DTWD2: variants seen among roughly 807,000 people sequenced by gnomAD.
The protein encoded by DTWD2 is DTW motif tRNA-uridine aminocarboxypropyltransferase 2.
In DTWD2, 39 loss-of-function variants were observed where a neutral mutation model predicts 31.8. The ratio of observed to expected loss-of-function variants is 1.22; its 90% CI spans 0.95 to 1.60. The LOEUF is 1.60. Among genes scored for constraint, DTWD2 ranks in the 40% most tolerant of loss-of-function variants. The pLI is 0.00. For missense variants in DTWD2, 515 were observed against 381.5 expected, an observed-to-expected ratio of 1.35 and a Z score of -2.92; for synonymous variants, 180 against 142.8, an observed-to-expected ratio of 1.26 and a Z score of -1.86.
chr5:118,938,015 A>G (rs1377685325), intron 3 of DTWD2, among the ~76,000 whole-genome samples: 1 of 152,208 alleles, frequency 6.6e-6, no homozygotes, highest in Non-Finnish European at 1.5e-5. Context: ...ATGTATACAT[A>G]CATCAAAACA....
intron 3 of DTWD2, among the ~76,000 whole-genome samples, chr5:118,929,695 CT>C (rs1330925268): frequency 6.6e-6 from 1 of 152,100 alleles, no homozygotes; most frequent in African/African-American, 2.4e-5. Flanking sequence ...TCAAAATATA[CT>C]TATTTGACAT....
chr5:118,854,392 G>C (rs1752083323), intron 4 of DTWD2, among the ~76,000 whole-genome samples: 2 of 151,436 alleles, frequency 1.3e-5, no homozygotes. Context: ...TTAGGATACA[G>C]GAAAAATTCA....
intron 4 of DTWD2, among the ~76,000 whole-genome samples, chr5:118,910,091 C>A (rs1036866572): frequency 3.1e-4 from 47 of 152,166 alleles, no homozygotes; most frequent in African/African-American, 1.1e-3. Context: ...TTAGCCATAC[C>A]CTTGGTGCTC....
At chr5:118,953,623 C>T (rs190041800) in intron 1 of DTWD2, among the ~76,000 whole-genome samples, 37 of 152,278 alleles carry the variant, frequency 2.4e-4, no homozygotes, top group Admixed American at 2.1e-3. Context: ...TAAATTGGAA[C>T]CCTAGAAACT....
chr5:118,917,054 A>AAATAT (rs1425580605), intron 4 of DTWD2, among the ~76,000 whole-genome samples: 1 of 152,196 alleles, frequency 6.6e-6, no homozygotes, highest in Non-Finnish European at 1.5e-5. Flanking sequence ...AAACTGACAA[A>AAATAT]AATATAATAA....
At chr5:118,958,414 C>T (rs1310221078) in intron 1 of DTWD2, among the ~76,000 whole-genome samples, 1 of 151,714 alleles carries the variant, frequency 6.6e-6, no homozygotes, top group Non-Finnish European at 1.5e-5. Context: ...GCCGGGATCA[C>T]GCCACTACAC....
chr5:118,954,597 T>C (rs910002648), intron 1 of DTWD2, among the ~76,000 whole-genome samples: 7 of 152,188 alleles, frequency 4.6e-5, no homozygotes, highest in Non-Finnish European at 8.8e-5. Context: ...CACTGCAACC[T>C]CCGCCTCCCA....
At chr5:118,959,943 T>C (rs1001295332) in intron 1 of DTWD2, among the ~76,000 whole-genome samples, 7 of 151,940 alleles carry the variant, frequency 4.6e-5, no homozygotes, top group Non-Finnish European at 5.9e-5. Flanking sequence ...TAAAAGTCAA[T>C]CAAGATGGAT....
At chr5:118,885,110 AC>A (rs1752831398) in intron 4 of DTWD2, among the ~76,000 whole-genome samples, 2 of 150,974 alleles carry the variant, frequency 1.3e-5, no homozygotes, top group Non-Finnish European at 2.9e-5. Context: ...AGAGTTCAAG[AC>A]CAGCCTCGGC....
chr5:118,974,058 G>A (rs946503041), intron 1 of DTWD2: 93 of 1,605,590 alleles, frequency 5.8e-5, no homozygotes, highest in East Asian at 5.1e-4. Flanking sequence ...ACGGGCAAGC[G>A]GGCAGCTGAA....
At chr5:118,982,694 T>G (rs537569884) in intron 1 of DTWD2, among the ~76,000 whole-genome samples, 2 of 148,024 alleles carry the variant, frequency 1.4e-5, no homozygotes, top group East Asian at 3.9e-4. Flanking sequence ...TTCTTTTTTT[T>G]TTTTTTTTTT....
intron 1 of DTWD2, among the ~76,000 whole-genome samples, chr5:118,950,729 T>G (rs138119932): frequency 6.6e-5 from 10 of 152,204 alleles, no homozygotes; most frequent in African/African-American, 2.4e-4. Context: ...CTTAGGCGTT[T>G]TGAAGTTCTT....
chr5:118,928,884 CAAAATTTTGT>C (rs1413871290), intron 3 of DTWD2, among the ~76,000 whole-genome samples, 155 bp from the exon 4 acceptor site: 1 of 152,132 alleles, frequency 6.6e-6, no homozygotes, highest in African/African-American at 2.4e-5. Flanking sequence ...TAAAAAGACT[CAAAATTTTGT>C]GTACTCTCTA....
chr5:118,929,660 T>C (rs1407483540), intron 3 of DTWD2, among the ~76,000 whole-genome samples: 2 of 152,212 alleles, frequency 1.3e-5, no homozygotes, highest in East Asian at 1.9e-4. Flanking sequence ...ATATTATCTA[T>C]TGAAGGAAAC....
intron 4 of DTWD2, among the ~76,000 whole-genome samples, chr5:118,922,876 G>T (rs1034924571): frequency 6.6e-6 from 1 of 152,072 alleles, no homozygotes; most frequent in Non-Finnish European, 1.5e-5. Context: ...GGCCATCCAG[G>T]ATTCTACTCT....
At chr5:118,953,448 GA>G (rs1385791385) in intron 1 of DTWD2, among the ~76,000 whole-genome samples, 2 of 152,156 alleles carry the variant, frequency 1.3e-5, no homozygotes, top group African/African-American at 4.8e-5. Context: ...CCCCCTGCAT[GA>G]AAATTTGACC....
chr5:118,865,286 G>C (rs1752358001), intron 4 of DTWD2, among the ~76,000 whole-genome samples: 1 of 152,060 alleles, frequency 6.6e-6, no homozygotes, highest in South Asian at 2.1e-4. Context: ...CATTACAACT[G>C]TCTTATACTT....
chr5:118,903,627 G>A (rs1753264471), intron 4 of DTWD2, among the ~76,000 whole-genome samples: 1 of 151,916 alleles, frequency 6.6e-6, no homozygotes, highest in African/African-American at 2.4e-5. Context: ...TAGCTAACAT[G>A]TTAAGCAGAT....
chr5:118,903,589 AAGG>A (rs1421288368), intron 4 of DTWD2, among the ~76,000 whole-genome samples: 2 of 152,080 alleles, frequency 1.3e-5, no homozygotes, highest in Non-Finnish European at 2.9e-5. Flanking sequence ...CAGAATTTTC[AAGG>A]AGAATACTAG....
Sources: gnomAD v4.1 joint callset for allele counts (sites outside exome capture counted in the v4.1 genomes callset) on GRCh38, gnomAD v4.1.1 for gene constraint, MANE v1.5 for transcripts, NCBI Gene and HGNC (gene_info 2026-07-23, HGNC 2026-07-21) for gene names.